N4BP2L2: variants seen among roughly 807,000 people sequenced by gnomAD.
N4BP2L2 encodes the protein NEDD4 binding protein 2 like 2.
N4BP2L2 carries 50 observed loss-of-function variants against 56.2 expected under a neutral mutation model. The ratio of observed to expected loss-of-function variants is 0.89; its 90% CI spans 0.71 to 1.13. The LOEUF (loss-of-function observed/expected upper bound fraction) is 1.13, where lower values mean the gene tolerates loss of function less well. Among genes scored for constraint, N4BP2L2 ranks in the 50% most tolerant of loss-of-function variants. The pLI is 0.00. For missense variants in N4BP2L2, 689 were observed against 693.8 expected (o/e 0.99, Z 0.08); for synonymous variants, 203 against 223.6 (o/e 0.91, Z 0.82).
intron 7 of N4BP2L2, among the ~76,000 whole-genome samples, chr13:32,439,684 T>A (rs1304350898): frequency 6.6e-6 from 1 of 152,018 alleles, no homozygotes; most frequent in African/African-American, 2.4e-5. Flanking sequence ...AAAAAATTGG[T>A]ATGTTTCTTT....
chr13:32,481,624 T>C, intron 6 of N4BP2L2, among the ~76,000 whole-genome samples: 1 of 152,202 alleles, frequency 6.6e-6, no homozygotes, highest in East Asian at 1.9e-4. Flanking sequence ...AGAGGAACTA[T>C]TTCATTGGGT....
At chr13:32,459,306 A>T (rs1184249812) in intron 6 of N4BP2L2, among the ~76,000 whole-genome samples, 5 of 152,146 alleles carry the variant, frequency 3.3e-5, no homozygotes, top group Non-Finnish European at 5.9e-5. Flanking sequence ...AAAAAAACAG[A>T]GATCAAAAAA....
chr13:32,435,432 C>T (rs935960269), intron 9 of N4BP2L2, among the ~76,000 whole-genome samples: 1 of 152,006 alleles, frequency 6.6e-6, no homozygotes, highest in African/African-American at 2.4e-5. Context: ...CGGGGTTTTG[C>T]CATGTTGGCT....
chr13:32,529,326 A>C (rs1208797910), intron 2 of N4BP2L2, among the ~76,000 whole-genome samples: 2 of 152,218 alleles, frequency 1.3e-5, no homozygotes, highest in Non-Finnish European at 2.9e-5. Flanking sequence ...CTCTATTTCC[A>C]CTTACAGAAT....
chr13:32,484,451 T>G (rs543952762), intron 6 of N4BP2L2, among the ~76,000 whole-genome samples: 1 of 152,328 alleles, frequency 6.6e-6, no homozygotes, highest in Non-Finnish European at 1.5e-5. Context: ...TTTAATAAAG[T>G]CATTTGCTTC....
exon 7 of N4BP2L2, chr13:32,443,016 G>C (rs780674749): frequency 1.2e-6 from 2 of 1,613,254 alleles, no homozygotes; most frequent in South Asian, 2.2e-5. Flanking sequence ...CTTTTACACC[G>C]ATACGACTCT....
At chr13:32,524,899 A>G (rs935901150) in intron 3 of N4BP2L2, 1 of 152,206 alleles carries the variant, frequency 6.6e-6, no homozygotes, top group Non-Finnish European at 1.5e-5. Context: ...AGTAGCTTAG[A>G]CTACAGGTGT....
In N4BP2L2 at chr13:32,451,715, TA is replaced by T. The variant is rs2078055511; in HGVS notation, c.366-7590del. On this transcript the variant is annotated intron_variant, in intron 6 of 9. Coordinates refer to the N4BP2L2 transcript ENST00000357505. ...GTGCCACCATGCCCAGCTGCCCAGC[TA>T]TTTTTTTTTTTTTTTTAAGAAACAG... Among the ~76,000 whole-genome samples, 6 of 149,844 alleles carry T rather than the reference TA, an allele frequency of 4.0e-5. No homozygotes were observed. In the South Asian group the frequency reaches 1.3e-3, roughly 31 times the overall value.
At chr13:32,517,321 GATCA>G in exon 6 of N4BP2L2, 1 of 987,218 alleles carries the variant, frequency 1.0e-6, no homozygotes, top group Non-Finnish European at 1.2e-6. Flanking sequence ...TTGTCACACA[GATCA>G]ATCAGCTGAA....
At chr13:32,533,631 GGGATACCCA>G (rs2055662446) in intron 2 of N4BP2L2, among the ~76,000 whole-genome samples, 1 of 149,898 alleles carries the variant, frequency 6.7e-6, no homozygotes, top group Non-Finnish European at 1.5e-5. Context: ...CCAAGTAGCT[GGGATACCCA>G]GGTTATCTAG....
chr13:32,504,257 C>T (rs990963352), intron 6 of N4BP2L2, among the ~76,000 whole-genome samples: 2 of 152,196 alleles, frequency 1.3e-5, no homozygotes, highest in African/African-American at 4.8e-5. Context: ...AGGGTTCCCA[C>T]AACAAAGTAC....
chr13:32,452,284 C>T (rs1207237357), intron 6 of N4BP2L2, among the ~76,000 whole-genome samples: 2 of 152,122 alleles, frequency 1.3e-5, no homozygotes, highest in Non-Finnish European at 2.9e-5. Context: ...TGGTCTTGAA[C>T]TCCCGACCTC....
intron 6 of N4BP2L2, among the ~76,000 whole-genome samples, chr13:32,499,845 C>A (rs1287259683): frequency 6.6e-6 from 1 of 152,194 alleles, no homozygotes; most frequent in Admixed American, 6.5e-5. Context: ...GTCCATCTCT[C>A]ACCAAGAAAC....
intron 2 of N4BP2L2, among the ~76,000 whole-genome samples, chr13:32,532,590 C>CTT (rs759146834): frequency 1.3e-4 from 17 of 128,408 alleles, no homozygotes; most frequent in African/African-American, 2.6e-4. Context: ...TTTCTTTTTT[C>CTT]TTTTTTTTTT....
intron 6 of N4BP2L2, among the ~76,000 whole-genome samples, chr13:32,454,596 TTTATG>T (rs1004696726): frequency 1.3e-4 from 20 of 152,260 alleles, no homozygotes; most frequent in African/African-American, 4.6e-4. Context: ...AGACAAAGAC[TTTATG>T]TTAACTATTT....
intron 6 of N4BP2L2, among the ~76,000 whole-genome samples, chr13:32,451,280 GA>G (rs1193604120): frequency 1.3e-5 from 2 of 150,294 alleles, no homozygotes; most frequent in African/African-American, 2.4e-5. Context: ...TTTAAAAAAA[GA>G]AAAAAATATA....
intron 2 of N4BP2L2, among the ~76,000 whole-genome samples, chr13:32,535,388 T>C (rs1178778058): frequency 1.3e-5 from 2 of 152,340 alleles, no homozygotes; most frequent in East Asian, 1.9e-4. Flanking sequence ...TTATCTATTT[T>C]TAAAGCCCTT....
chr13:32,527,730 A>C (rs568986523), intron 2 of N4BP2L2, among the ~76,000 whole-genome samples, 198 bp from the exon 3 acceptor site: 16 of 152,054 alleles, frequency 1.1e-4, no homozygotes, highest in Non-Finnish European at 2.1e-4. Flanking sequence ...TTCAGATTTC[A>C]AATCACTTTA....
chr13:32,435,397 C>G (rs1208330696), intron 9 of N4BP2L2, among the ~76,000 whole-genome samples: 2 of 152,164 alleles, frequency 1.3e-5, no homozygotes, highest in African/African-American at 4.8e-5. Context: ...CCACACCTGG[C>G]TAATTTTTGT....
Sources: gnomAD v4.1 joint callset for allele counts (sites outside exome capture counted in the v4.1 genomes callset) on GRCh38, gnomAD v4.1.1 for gene constraint, MANE v1.5 for transcripts, NCBI Gene and HGNC (gene_info 2026-07-23, HGNC 2026-07-21) for gene names.